The following TAOK3 variants were observed in gnomAD, a reference collection of about 807,000 sequenced individuals.
The protein encoded by TAOK3 is serine/threonine-protein kinase TAO3.
A neutral mutation model predicts 120.4 loss-of-function variants in TAOK3; 40 were observed. That is an observed-to-expected ratio of 0.33 (90% CI 0.26 to 0.43). The LOEUF (loss-of-function observed/expected upper bound fraction) is 0.43. Ranked by LOEUF, TAOK3 falls within the 20% of genes least tolerant of loss-of-function variation. The probability of loss-of-function intolerance (pLI) is 1.00; values close to 1 mark genes in which losing one functional copy is unlikely to be tolerated. For synonymous variants in TAOK3, 355 were observed against 387.5 expected, an observed-to-expected ratio of 0.92 and a Z score of 0.99; for missense variants, 821 against 1,112.1, an observed-to-expected ratio of 0.74 and a Z score of 3.72.
chr12:118,252,351 T>C (rs61945212), intron 3 of TAOK3, among the ~76,000 whole-genome samples: 15,353 of 152,086 alleles, frequency 0.1, 987 homozygotes, highest in Middle Eastern at 0.15. Context: ...ACAGATTAAG[T>C]GGGTTATAAC....
At chr12:118,200,490 T>C (rs2037967263) in intron 12 of TAOK3, 1 of 152,194 alleles carries the variant, frequency 6.6e-6, no homozygotes, top group African/African-American at 2.4e-5. Context: ...TATTTTTTCC[T>C]GTCTCCCTCT....
At chr12:118,355,873 CA>C (rs984591975) in intron 1 of TAOK3, among the ~76,000 whole-genome samples, 19 of 152,128 alleles carry the variant, frequency 1.2e-4, no homozygotes, top group African/African-American at 4.6e-4. Flanking sequence ...ATCAATTTTA[CA>C]GAAGAAGAAA....
chr12:118,189,278 C>A (rs2037271819), intron 14 of TAOK3, among the ~76,000 whole-genome samples: 1 of 152,152 alleles, frequency 6.6e-6, no homozygotes, highest in Non-Finnish European at 1.5e-5. Flanking sequence ...CAATTATATA[C>A]ATTATCCAGC....
intron 2 of TAOK3, among the ~76,000 whole-genome samples, chr12:118,257,092 C>T (rs1416949166): frequency 6.6e-6 from 1 of 152,100 alleles, no homozygotes; most frequent in Non-Finnish European, 1.5e-5. Flanking sequence ...TTTTATAGAA[C>T]CAACTAAGAC....
At chr12:118,223,233 G>C (rs1363260701) in intron 9 of TAOK3, among the ~76,000 whole-genome samples, 1 of 150,606 alleles carries the variant, frequency 6.6e-6, no homozygotes, top group African/African-American at 2.4e-5. Context: ...ACCACGCCCG[G>C]CTAATTTTTT....
intron 1 of TAOK3, among the ~76,000 whole-genome samples, chr12:118,364,896 C>CTGTTAT (rs1491160036): frequency 6.6e-6 from 1 of 152,192 alleles, no homozygotes; most frequent in Admixed American, 6.5e-5. Flanking sequence ...CAGAGCAAAA[C>CTGTTAT]TCTATTTCAA....
chr12:118,276,700 T>G (rs1651541039), intron 1 of TAOK3, among the ~76,000 whole-genome samples: 1 of 151,016 alleles, frequency 6.6e-6, no homozygotes, highest in African/African-American at 2.4e-5. Flanking sequence ...AGACTCCGTC[T>G]CAAAAAACAA....
chr12:118,206,746 A>G (rs1263404119), intron 11 of TAOK3, among the ~76,000 whole-genome samples: 1 of 151,780 alleles, frequency 6.6e-6, no homozygotes, highest in East Asian at 1.9e-4. Context: ...ACAGGCATGC[A>G]CCACCATTTC....
At chr12:118,185,731 C>T (rs1166183952) in intron 14 of TAOK3, among the ~76,000 whole-genome samples, 1 of 152,084 alleles carries the variant, frequency 6.6e-6, no homozygotes, top group African/African-American at 2.4e-5. Context: ...CTTATAAATC[C>T]AAATTCTCAT....
intron 11 of TAOK3, among the ~76,000 whole-genome samples, chr12:118,206,499 T>C (rs1164152228): frequency 1.3e-5 from 2 of 152,208 alleles, no homozygotes; most frequent in Non-Finnish European, 2.9e-5. Context: ...AGGTACATTC[T>C]AGGTAATTCT....
Position 118,233,529 on chromosome 12 carries a change from G to T in TAOK3, c.643+145C>A, listed in dbSNP as rs1771902498. 4.2e-5 allele frequency: 26 copies of T among 626,066 alleles called. 1 individual carries two copies. The South Asian group carries it at 5.2e-4, about 12-fold the overall frequency. The allele number at this position is 626,066 out of a possible 1,614,324, so 38.8% of individuals were successfully genotyped here. On this transcript the variant is annotated intron_variant, in intron 9 of 20. Transcript: ENST00000392533. ...TAAAAAAATCTAATAAATTCGCATT[G>T]CCTAGCACACATATACCAGTAACTC...
In TAOK3 at chr12:118,150,836, A is replaced by G. The variant is rs1435326456; in HGVS notation, c.*161T>C. The G allele has an allele frequency of 3.7e-6, 3 of 809,766 alleles. No homozygotes were observed. Among genetic ancestry groups the G allele is most frequent in the Non-Finnish European group, 3.7e-6 (2 of 537,452 alleles). The allele number at this position is 809,766 out of a possible 1,614,324, so 50.2% of individuals were successfully genotyped here. Reference sequence around the variant, plus strand: ...GGAGGAAGGGGGCCCCTGATGGAGTAAGAATAAACAGGCACTAGTCCGACA... The same window carrying G: ...GGAGGAAGGGGGCCCCTGATGGAGTGAGAATAAACAGGCACTAGTCCGACA... On this transcript the variant is annotated 3_prime_UTR_variant, in exon 21 of 21. Transcript: ENST00000392533.
At chr12:118,234,557 T>C (rs2039943046) in intron 8 of TAOK3, among the ~76,000 whole-genome samples, 1 of 152,088 alleles carries the variant, frequency 6.6e-6, no homozygotes, top group South Asian at 2.1e-4. Context: ...TTTTTTGTTG[T>C]TGTTGTTGAG....
At chr12:118,177,141 A>G (rs1253664548) in intron 16 of TAOK3, 60 bp downstream of exon 16, 3 of 1,545,908 alleles carry the variant, frequency 1.9e-6, no homozygotes, top group Admixed American at 1.7e-5. Flanking sequence ...AAGATGAGTG[A>G]ATGTTAAGTT....
chr12:118,244,791 G>C (rs1363835293), intron 4 of TAOK3, 103 bp downstream of exon 4: 4 of 785,304 alleles, frequency 5.1e-6, no homozygotes, highest in African/African-American at 1.7e-5. Flanking sequence ...GCCTCGCAAA[G>C]TGCTGGGATT....
intron 1 of TAOK3, among the ~76,000 whole-genome samples, chr12:118,302,928 C>A (rs532061231): frequency 3.0e-4 from 45 of 152,222 alleles, no homozygotes; most frequent in African/African-American, 1.0e-3. Flanking sequence ...ATGAGTGGAA[C>A]CGTGCACTAT....
intron 9 of TAOK3, among the ~76,000 whole-genome samples, chr12:118,215,047 A>AT (rs2038819256): frequency 6.6e-6 from 1 of 151,098 alleles, no homozygotes; most frequent in African/African-American, 2.4e-5. Context: ...GCCCGGCCTA[A>AT]TTTTTGTATT....
chr12:118,230,353 A>T (rs1016040703), intron 9 of TAOK3, among the ~76,000 whole-genome samples: 6 of 151,506 alleles, frequency 4.0e-5, no homozygotes, highest in Non-Finnish European at 8.8e-5. Context: ...GGATTTAATT[A>T]ATATGGTATG....
At chr12:118,314,912 G>GTTTCTT (rs534350713) in intron 1 of TAOK3, among the ~76,000 whole-genome samples, 1 of 151,260 alleles carries the variant, frequency 6.6e-6, no homozygotes, top group Non-Finnish European at 1.5e-5. Context: ...AGGAGTTTTT[G>GTTTCTT]TTTCTTTTTC....
Sources: gnomAD v4.1 joint callset for allele counts (sites outside exome capture counted in the v4.1 genomes callset) on GRCh38, gnomAD v4.1.1 for gene constraint, MANE v1.5 for transcripts, NCBI Gene and HGNC (gene_info 2026-07-23, HGNC 2026-07-21) for gene names.